ZNF292: variants seen among roughly 807,000 people sequenced by gnomAD.
ZNF292 encodes the protein 16 zinc-finger domain protein.
A neutral mutation model predicts 217.9 loss-of-function variants in ZNF292; 26 were observed. The ratio of observed to expected loss-of-function variants is 0.12; its 90% CI spans 0.09 to 0.17. ZNF292 has a LOEUF of 0.17. ZNF292 is among the 10% of genes least tolerant of loss of function. The pLI, the probability that ZNF292 is intolerant of heterozygous loss-of-function variation, is 1.00. For synonymous variants in ZNF292, 1,257 were observed against 1,124.1 expected (o/e 1.12, Z -2.37); for missense variants, 2,904 against 3,175.2 (o/e 0.91, Z 2.05).
chr6:87,254,885 A>G lies in ZNF292; in HGVS notation c.1256A>G (p.Glu419Gly), dbSNP rs967266238. 1.2e-6 allele frequency: 2 copies of G among 1,613,830 alleles called. No homozygotes were observed. The highest frequency in any genetic ancestry group is 3.3e-5 in the Admixed American group (2 of 59,978). ...LYNQPDQKYD[E>G]ENLPIPNSLR... ...AATCAGCCAGACCAGAAATATGATGAAGAGAATCTTCCAATACCAAATTCT... is the reference window on the plus strand; with the variant it reads ...AATCAGCCAGACCAGAAATATGATGGAGAGAATCTTCCAATACCAAATTCT... The change falls in exon 8 of 8, where the codon GAA (glutamate) becomes GGA (glycine). Residue 419 changes from glutamate (E) to glycine (G), a missense_variant. Transcript: ENST00000369577.
chr6:87,161,159 A>AC (rs1265949414), intron 1 of ZNF292, among the ~76,000 whole-genome samples: 7 of 152,196 alleles, frequency 4.6e-5, no homozygotes, highest in Non-Finnish European at 8.8e-5. Context: ...AACAGTTAGT[A>AC]AAACAACTTT....
At chr6:87,252,140 G>GTTT (rs11385021) in intron 7 of ZNF292, among the ~76,000 whole-genome samples, 9 of 147,548 alleles carry the variant, frequency 6.1e-5, no homozygotes, top group Middle Eastern at 3.3e-3. Flanking sequence ...TTTGTTGTTT[G>GTTT]TTTTTTTTTT....
At chr6:87,216,246 T>C in intron 2 of ZNF292, 53 bp from the exon 3 acceptor site, 1 of 1,475,536 alleles carries the variant, frequency 6.8e-7, no homozygotes, top group Non-Finnish European at 9.2e-7. Context: ...GTTTTATAAT[T>C]TCCTTTGAAT....
chr6:87,260,273 A>G lies in ZNF292; in HGVS notation c.6644A>G (p.Lys2215Arg), dbSNP rs377699987. Reference sequence around the variant, plus strand: ...ATGACTGCTTCAGTGGATGTTGGGAAGTTTCCATGTGACCAGTTAGAGTGT... The same window carrying G: ...ATGACTGCTTCAGTGGATGTTGGGAGGTTTCCATGTGACCAGTTAGAGTGT... ...ESMTASVDVG[K>R]FPCDQLECKS... Residue 2215 changes from lysine to arginine, a missense_variant, in exon 8 of 8, where the codon AAG becomes AGG. Lys to Arg is a conservative substitution (Grantham distance 26). Transcript: ENST00000369577. The G allele has an allele frequency of 6.2e-7, 1 of 1,613,522 alleles. No homozygotes were observed. The highest frequency in any genetic ancestry group is 1.3e-5 in the African/African-American group (1 of 74,898).
At position 87,261,304 on chromosome 6, in the gene ZNF292, A is replaced by G. The variant is rs767980180; in HGVS notation, c.7675A>G (p.Ser2559Gly). 6.2e-7 allele frequency: 1 copy of G among 1,613,466 alleles called. No individual in the cohort carries two copies. ...KAEPASAAEL[S>G]SVRKEEETAV... ...TGAACCAGCATCAGCAGCTGAGTTA[A>G]GTAGCGTGCGTAAAGAAGAAGAAAC... Residue 2559 changes from serine to glycine, a missense_variant, in exon 8 of 8, where the codon AGT becomes GGT. This residue lies in a region of ZNF292 where 380 missense variants were observed against 355.3 expected (regional missense o/e 1.07). Coordinates refer to ENST00000369577, the MANE Select transcript of ZNF292 (RefSeq NM_015021.3).
chr6:87,181,972 G>A (rs1436557818), intron 1 of ZNF292, among the ~76,000 whole-genome samples: 1 of 151,996 alleles, frequency 6.6e-6, no homozygotes, highest in Non-Finnish European at 1.5e-5. Flanking sequence ...GCGCCCGGCG[G>A]TTCTCATTTT....
intron 1 of ZNF292, among the ~76,000 whole-genome samples, chr6:87,211,649 A>G (rs188594553): frequency 1.1e-4 from 17 of 152,332 alleles, no homozygotes; most frequent in African/African-American, 3.8e-4. Flanking sequence ...CGCCTAGCAC[A>G]TGGTAAATAT....
At chr6:87,227,800 C>G (rs556418396) in intron 4 of ZNF292, among the ~76,000 whole-genome samples, 2 of 152,142 alleles carry the variant, frequency 1.3e-5, no homozygotes, top group Non-Finnish European at 2.9e-5. Flanking sequence ...GAATAATATT[C>G]CATTATATGT....
chr6:87,246,199 C>G (rs1056507210), intron 7 of ZNF292, among the ~76,000 whole-genome samples: 1 of 152,082 alleles, frequency 6.6e-6, no homozygotes, highest in South Asian at 2.1e-4. Flanking sequence ...CCTCTGCACT[C>G]GAGCCTGGGC....
intron 1 of ZNF292, among the ~76,000 whole-genome samples, chr6:87,162,107 T>A (rs963741356): frequency 2.0e-5 from 3 of 152,202 alleles, no homozygotes; most frequent in Admixed American, 2.0e-4. Context: ...TATAGCAACT[T>A]AAAGAGTTCA....
At chr6:87,220,937 G>A (rs1156565495) in intron 4 of ZNF292, among the ~76,000 whole-genome samples, 1 of 152,132 alleles carries the variant, frequency 6.6e-6, no homozygotes, top group Non-Finnish European at 1.5e-5. Flanking sequence ...CCATAATCTA[G>A]CCTGCAGCAA....
chr6:87,257,738 T>C lies in ZNF292; in HGVS notation c.4109T>C (p.Ile1370Thr). The C allele has an allele frequency of 6.2e-7, 1 of 1,613,642 alleles. No homozygotes were observed. Among genetic ancestry groups the C allele is most frequent in the Non-Finnish European group, 8.5e-7 (1 of 1,179,752 alleles). The change falls in exon 8 of 8, where the codon ATC becomes ACC. Residue 1370 changes from isoleucine to threonine, a missense_variant. Ile to Thr is a moderately conservative substitution (Grantham distance 89). Coordinates refer to ENST00000369577, the MANE Select transcript of ZNF292 (RefSeq NM_015021.3). ...HNKRAKWPAI[I>T]RDGKFICSRC... Reference sequence around the variant, plus strand: ...AAAAGGGCTAAATGGCCTGCAATTATCAGAGATGGGAAATTTATCTGTAGC... The same window carrying C: ...AAAAGGGCTAAATGGCCTGCAATTACCAGAGATGGGAAATTTATCTGTAGC...
chr6:87,193,860 G>GA (rs1282746574), intron 1 of ZNF292, among the ~76,000 whole-genome samples: 3 of 152,114 alleles, frequency 2.0e-5, no homozygotes, highest in African/African-American at 7.2e-5. Flanking sequence ...TCCAGAATTT[G>GA]AAAAAATCTG....
Position 87,210,399 on chromosome 6 carries a change from G to A in ZNF292, c.169-5504G>A, listed in dbSNP as rs184003707. Among the ~76,000 whole-genome samples, 423 of 152,204 alleles carry A rather than the reference G, an allele frequency of 2.8e-3. 2 individuals carry two copies. The highest frequency in any genetic ancestry group is 5.1e-3 in the Non-Finnish European group (346 of 67,994). On this transcript the variant is annotated intron_variant, in intron 1 of 7. Coordinates refer to ENST00000369577, the MANE Select transcript of ZNF292 (RefSeq NM_015021.3). ...GGGACAATAATGAAAAACACCGCAAGAAACAGTGTGTTAGAGATCCTTTAA... is the reference window on the plus strand; with the variant it reads ...GGGACAATAATGAAAAACACCGCAAAAAACAGTGTGTTAGAGATCCTTTAA...
In ZNF292 at chr6:87,261,334, G is replaced by T; in HGVS notation, c.7705G>T (p.Val2569Phe). The change falls in exon 8 of 8, where the codon GTT (valine) becomes TTT (phenylalanine). Residue 2569 changes from valine (V) to phenylalanine (F), a missense_variant. Transcript: ENST00000369577. ...CGTGCGTAAAGAAGAAGAAACTGCTGTTGCCATTCAAACCATTGAGGAGCA... is the reference window on the plus strand; with the variant it reads ...CGTGCGTAAAGAAGAAGAAACTGCTTTTGCCATTCAAACCATTGAGGAGCA... ...SSVRKEEETA[V>F]AIQTIEEHPA... 1.2e-6 allele frequency: 2 copies of T among 1,613,464 alleles called. No homozygotes were observed.
intron 7 of ZNF292, among the ~76,000 whole-genome samples, chr6:87,252,817 G>A (rs1378588942): frequency 2.6e-5 from 4 of 152,138 alleles, no homozygotes; most frequent in Non-Finnish European, 4.4e-5. Context: ...TCTAGGAATA[G>A]TATAACATAT....
chr6:87,258,178 G>C lies in ZNF292; in HGVS notation c.4549G>C (p.Val1517Leu), dbSNP rs1017078426. Residue 1517 changes from valine to leucine, a missense_variant, in exon 8 of 8, where the codon GTC becomes CTC. Val to Leu is a conservative substitution (Grantham distance 32). Coordinates refer to ENST00000369577, the MANE Select transcript of ZNF292 (RefSeq NM_015021.3). The part of the protein sequence containing the change: ...EMLSHVSTGC[V>L]SDASQVNATV... ...GCTTTCTCATGTTTCAACAGGTTGT[G>C]TCTCTGATGCATCACAAGTAAATGC... 3 of 1,611,716 alleles carry C rather than the reference G, an allele frequency of 1.9e-6. No individual in the cohort carries two copies. Among genetic ancestry groups the C allele is most frequent in the East Asian group, 2.2e-5 (1 of 44,846 alleles).
chr6:87,205,637 G>T (rs1171489010), intron 1 of ZNF292, among the ~76,000 whole-genome samples: 1 of 151,750 alleles, frequency 6.6e-6, no homozygotes, highest in Non-Finnish European at 1.5e-5. Flanking sequence ...TATTGCTCTT[G>T]TAGTTATGGT....
At chr6:87,184,042 G>A (rs1197438077) in intron 1 of ZNF292, among the ~76,000 whole-genome samples, 1 of 152,128 alleles carries the variant, frequency 6.6e-6, no homozygotes, top group Non-Finnish European at 1.5e-5. Context: ...TATACACACA[G>A]TGCTTACACA....
Sources: gnomAD v4.1 joint callset for allele counts (sites outside exome capture counted in the v4.1 genomes callset) on GRCh38, gnomAD v4.1.1 for gene constraint, gnomAD v4.1.1 regional missense constraint, MANE v1.5 for transcripts, NCBI Gene and HGNC (gene_info 2026-07-23, HGNC 2026-07-21) for gene names.